The following HIVEP2 variants were observed in gnomAD, a reference collection of about 807,000 sequenced individuals.
HIVEP2 encodes transcription factor HIVEP2.
In HIVEP2, 14 loss-of-function variants were observed where a neutral mutation model predicts 180.7. The ratio of observed to expected loss-of-function variants is 0.08; its 90% CI spans 0.05 to 0.12. HIVEP2 has a LOEUF of 0.12. Ranked by LOEUF, HIVEP2 falls within the 10% of genes least tolerant of loss-of-function variation. HIVEP2 has a pLI of 1.00. For synonymous variants in HIVEP2, 1,184 were observed against 1,136.4 expected, an observed-to-expected ratio of 1.04 and a Z score of -0.84; for missense variants, 2,579 against 3,008.5, an observed-to-expected ratio of 0.86 and a Z score of 3.34.
chr6:142,789,208 G>C (rs1776078815), intron 2 of HIVEP2, among the ~76,000 whole-genome samples: 1 of 152,128 alleles, frequency 6.6e-6, no homozygotes, highest in Non-Finnish European at 1.5e-5. Context: ...TTTGCCTTGA[G>C]TTAATTACAG....
intron 1 of HIVEP2, among the ~76,000 whole-genome samples, chr6:142,843,021 T>C (rs748681800): frequency 2.0e-5 from 3 of 152,300 alleles, no homozygotes; most frequent in Middle Eastern, 3.4e-3. Context: ...AGGAAAACAC[T>C]TGCACGAAGG....
intron 1 of HIVEP2, among the ~76,000 whole-genome samples, chr6:142,935,384 A>G (rs1778027958): frequency 6.6e-6 from 1 of 152,152 alleles, no homozygotes; most frequent in East Asian, 1.9e-4. Context: ...CCCTGTCTCC[A>G]CAAAAAGTGC....
chr6:142,781,529 G>C (rs1291984510), intron 3 of HIVEP2, among the ~76,000 whole-genome samples: 2 of 152,176 alleles, frequency 1.3e-5, no homozygotes, highest in Non-Finnish European at 2.9e-5. Flanking sequence ...GCCCACAGGA[G>C]TCCTCTAGTC....
At chr6:142,838,805 T>C (rs1775288579) in intron 1 of HIVEP2, among the ~76,000 whole-genome samples, 1 of 152,172 alleles carries the variant, frequency 6.6e-6, no homozygotes, top group South Asian at 2.1e-4. Flanking sequence ...CCTCTTCATT[T>C]CTTAGGTAGG....
intron 1 of HIVEP2, among the ~76,000 whole-genome samples, chr6:142,885,826 TACC>T (rs964201279): frequency 1.1e-4 from 16 of 152,192 alleles, no homozygotes. Context: ...CCGTAAACAG[TACC>T]ACCAACTATC....
At chr6:142,942,144 C>A (rs531749237) in intron 1 of HIVEP2, among the ~76,000 whole-genome samples, 2 of 152,162 alleles carry the variant, frequency 1.3e-5, no homozygotes, top group South Asian at 4.1e-4. Flanking sequence ...CTATGTGAAG[C>A]TTTCAAATTG....
At chr6:142,839,106 G>A (rs1305307826) in intron 1 of HIVEP2, among the ~76,000 whole-genome samples, 2 of 152,110 alleles carry the variant, frequency 1.3e-5, no homozygotes, top group African/African-American at 4.8e-5. Flanking sequence ...CTAAATGACT[G>A]TACTGATTAG....
chr6:142,825,256 G>A (rs1582892662), intron 2 of HIVEP2, among the ~76,000 whole-genome samples: 2 of 150,864 alleles, frequency 1.3e-5, no homozygotes, highest in Admixed American at 1.3e-4. Flanking sequence ...AATAATTTTA[G>A]AGGTTTTGCA....
At chr6:142,930,807 C>T (rs1777926214) in intron 1 of HIVEP2, among the ~76,000 whole-genome samples, 3 of 152,044 alleles carry the variant, frequency 2.0e-5, no homozygotes, top group Admixed American at 6.6e-5. Flanking sequence ...AGCAGTGTCC[C>T]CACATGAATT....
chr6:142,753,407 C>G lies in HIVEP2; in HGVS notation c.7041G>C (p.Gly2347=). Residue 2347 remains glycine (G), a synonymous_variant, in exon 10 of 10, where the codon GGG becomes GGC. Coordinates refer to ENST00000367603, the MANE Select transcript of HIVEP2 (RefSeq NM_006734.4). ...CCTGCACCCGCGCTGGCTGATCTGG[C>G]CCGAGCAGAGCTGCCTCTTCCGTGG... ...RIATEEAALL[G]PDQPARVQEP... The G allele has an allele frequency of 5.0e-6, 8 of 1,613,934 alleles. No individual in the cohort carries two copies. The highest frequency in any genetic ancestry group is 6.8e-6 in the Non-Finnish European group (8 of 1,180,032).
intron 1 of HIVEP2, among the ~76,000 whole-genome samples, chr6:142,927,750 C>T (rs1777851366): frequency 6.6e-6 from 1 of 152,154 alleles, no homozygotes; most frequent in African/African-American, 2.4e-5. Flanking sequence ...TTTTTAAAGT[C>T]TCCTTCTAAA....
intron 2 of HIVEP2, among the ~76,000 whole-genome samples, chr6:142,807,007 T>G (rs968583508): frequency 6.6e-5 from 10 of 152,312 alleles, no homozygotes; most frequent in African/African-American, 2.4e-4. Context: ...ATGTATTTCT[T>G]GTTAGAGTAA....
chr6:142,863,466 AAAT>A (rs1232690748), intron 1 of HIVEP2, among the ~76,000 whole-genome samples: 1 of 152,162 alleles, frequency 6.6e-6, no homozygotes, highest in African/African-American at 2.4e-5. Flanking sequence ...ACTATACAAA[AAAT>A]AGCTTTTCTA....
chr6:142,771,557 A>T lies in HIVEP2; in HGVS notation c.3182T>A (p.Val1061Glu), dbSNP rs1426780875. ...FDYGNLSHAP[V>E]SGAAASTVSP... is the part of the protein sequence containing the mutation. ...TACCGTGGAGGCTGCTGCTCCCGAC[A>T]CAGGAGCATGGGACAGATTCCCATA... The change falls in exon 5 of 10, where the codon GTG (valine) becomes GAG (glutamate). Residue 1061 changes from valine (V) to glutamate (E), a missense_variant. Around this residue, in one of 11 missense-constraint regions of HIVEP2, gnomAD observed 523 missense variants for 577.0 expected, o/e 0.91. Transcript: ENST00000367603. The surrounding 1 kb of genome is among the most constrained non-coding windows in gnomAD (Gnocchi z 5.4). 6.2e-7 allele frequency: 1 copy of T among 1,613,952 alleles called. No homozygotes were observed. Among genetic ancestry groups the T allele is most frequent in the South Asian group, 1.1e-5 (1 of 91,086 alleles).
intron 1 of HIVEP2, among the ~76,000 whole-genome samples, chr6:142,899,225 TTTTG>T (rs1777071517): frequency 1.3e-5 from 2 of 152,174 alleles, no homozygotes; most frequent in Non-Finnish European, 2.9e-5. Context: ...CTGGATCCTT[TTTTG>T]CTAAGGCTTT....
intron 1 of HIVEP2, among the ~76,000 whole-genome samples, chr6:142,861,576 C>A (rs888575761): frequency 6.6e-6 from 1 of 152,184 alleles, no homozygotes; most frequent in African/African-American, 2.4e-5. Context: ...TCCCATCCGA[C>A]TGTTGGTAAA....
intron 4 of HIVEP2, among the ~76,000 whole-genome samples, chr6:142,775,930 T>A (rs1159114789): frequency 6.6e-6 from 1 of 151,264 alleles, no homozygotes; most frequent in Non-Finnish European, 1.5e-5. Context: ...TTTTATAAAA[T>A]ACATAATTCA....
intron 1 of HIVEP2, among the ~76,000 whole-genome samples, chr6:142,892,655 T>A (rs1277173665): frequency 1.3e-5 from 2 of 152,208 alleles, no homozygotes; most frequent in Non-Finnish European, 2.9e-5. Flanking sequence ...TTTAATGACC[T>A]TTCAAAGGGA....
In HIVEP2 at chr6:142,771,363, C is replaced by G. The variant is rs769570765; in HGVS notation, c.3376G>C (p.Val1126Leu). 4.3e-6 allele frequency: 7 copies of G among 1,612,906 alleles called. No homozygotes were observed. The South Asian group carries it at 7.7e-5, about 18-fold the overall frequency. The change falls in exon 5 of 10, where the codon GTG becomes CTG. Residue 1126 changes from valine to leucine, a missense_variant. Physicochemically the swap from Val to Leu is conservative, Grantham distance 32. Coordinates refer to ENST00000367603, the MANE Select transcript of HIVEP2 (RefSeq NM_006734.4). This position sits in a 1 kb window ranked among gnomAD's most constrained non-coding sequence, Gnocchi z 5.4. The part of the protein sequence containing the change: ...RSGWHHGPPA[V>L]LPPLQQEDPG... ...TCCTCTTGCTGAAGAGGAGGCAGCACAGCAGGCGGGCCATGGTGCCACCCG... is the reference window on the plus strand; with the variant it reads ...TCCTCTTGCTGAAGAGGAGGCAGCAGAGCAGGCGGGCCATGGTGCCACCCG...
Sources: allele counts gnomAD v4.1 joint callset (sites outside exome capture counted in the v4.1 genomes callset), GRCh38; gene constraint gnomAD v4.1.1; regional missense constraint gnomAD v4.1.1; non-coding constraint Gnocchi (gnomAD v3.1); transcripts MANE v1.5; gene names NCBI Gene and HGNC (gene_info 2026-07-23, HGNC 2026-07-21).